RALYL: variants seen among roughly 807,000 people sequenced by gnomAD.
The protein encoded by RALYL is RNA-binding Raly-like protein.
Under a neutral mutation model 35.1 loss-of-function variants are expected in RALYL, and 29 were observed. The observed-to-expected ratio is 0.83, with a 90% CI of 0.61 to 1.13. The LOEUF (loss-of-function observed/expected upper bound fraction) is 1.13, where lower values mean the gene tolerates loss of function less well. RALYL is among the 50% of genes most tolerant of loss of function. The pLI, the probability that RALYL is intolerant of heterozygous loss-of-function variation, is 0.00. For missense variants in RALYL, 359 were observed against 360.4 expected, an observed-to-expected ratio of 1.00 and a Z score of 0.03; for synonymous variants, 120 against 127.6, an observed-to-expected ratio of 0.94 and a Z score of 0.40.
chr8:84,321,614 C>A (rs1398825878), intron 1 of RALYL, among the ~76,000 whole-genome samples: 2 of 152,032 alleles, frequency 1.3e-5, no homozygotes, highest in Non-Finnish European at 2.9e-5. Context: ...CCACGACAGC[C>A]CACTCTATCT....
At chr8:84,904,837 C>T (rs1342327024) in intron 8 of RALYL, among the ~76,000 whole-genome samples, 1 of 151,890 alleles carries the variant, frequency 6.6e-6, no homozygotes, top group Non-Finnish European at 1.5e-5. Context: ...TTCTATGTTG[C>T]CTCTGTTCAC....
At chr8:84,212,354 A>G (rs1178008943) in intron 1 of RALYL, among the ~76,000 whole-genome samples, 1 of 152,008 alleles carries the variant, frequency 6.6e-6, no homozygotes, top group African/African-American at 2.4e-5. Context: ...CTACGTTTGT[A>G]TTTTCAAAAT....
chr8:84,848,935 A>G (rs758312315), intron 4 of RALYL, among the ~76,000 whole-genome samples: 3 of 152,194 alleles, frequency 2.0e-5, no homozygotes, highest in Non-Finnish European at 4.4e-5. Context: ...GATGTTGTCA[A>G]AATGACCCCA....
intron 2 of RALYL, among the ~76,000 whole-genome samples, chr8:84,632,806 C>A (rs1464883812): frequency 6.6e-6 from 1 of 151,846 alleles, no homozygotes; most frequent in East Asian, 1.9e-4. Flanking sequence ...GAGCTTTTCC[C>A]AGAGGAATAT....
intron 4 of RALYL, among the ~76,000 whole-genome samples, chr8:84,847,640 TAAACTAAAGCA>T (rs966889125): frequency 2.6e-5 from 4 of 152,148 alleles, no homozygotes; most frequent in African/African-American, 9.7e-5. Context: ...ACTATTAGAA[TAAACTAAAGCA>T]AAAACCATTA....
chr8:84,393,013 T>G (rs1861047020), intron 1 of RALYL, among the ~76,000 whole-genome samples: 1 of 152,074 alleles, frequency 6.6e-6, no homozygotes, highest in Non-Finnish European at 1.5e-5. Flanking sequence ...AATAAAACAG[T>G]CTTTGCCTAA....
intron 3 of RALYL, among the ~76,000 whole-genome samples, chr8:84,796,496 T>C (rs754623573): frequency 1.2e-4 from 19 of 152,200 alleles, no homozygotes; most frequent in Non-Finnish European, 2.1e-4. Context: ...TTAAGAATAC[T>C]GATAGGATTA....
intron 2 of RALYL, among the ~76,000 whole-genome samples, chr8:84,638,871 A>AATATATATATATATAT (rs71273908): frequency 1.2e-5 from 1 of 86,256 alleles, no homozygotes; most frequent in Non-Finnish European, 2.0e-5. Context: ...TGCACGCATA[A>AATATATATATATATAT]ATATATATAT....
intron 1 of RALYL, among the ~76,000 whole-genome samples, chr8:84,330,804 A>G (rs1041821016): frequency 1.3e-5 from 2 of 152,096 alleles, no homozygotes; most frequent in Non-Finnish European, 2.9e-5. Flanking sequence ...TTAAATCAAT[A>G]CAGTGGGTAA....
At chr8:84,818,881 T>G (rs974343192) in intron 4 of RALYL, among the ~76,000 whole-genome samples, 5 of 152,174 alleles carry the variant, frequency 3.3e-5, no homozygotes, top group Admixed American at 1.3e-4. Context: ...GTCTTAAAGT[T>G]TTCTCAGTTA....
chr8:84,705,904 G>T (rs1841121235), intron 2 of RALYL: 1 of 1,481,804 alleles, frequency 6.7e-7, no homozygotes, highest in Admixed American at 2.3e-5. Context: ...CTTTCACTGT[G>T]TGATTGCTGG....
chr8:84,630,700 G>C (rs1438704312), intron 2 of RALYL, among the ~76,000 whole-genome samples: 1 of 152,016 alleles, frequency 6.6e-6, no homozygotes, highest in East Asian at 1.9e-4. Context: ...ACTAAAAACT[G>C]TTAAATGACA....
intron 4 of RALYL, among the ~76,000 whole-genome samples, chr8:84,840,007 A>G (rs1453286534): frequency 6.6e-6 from 1 of 152,154 alleles, no homozygotes. Flanking sequence ...ATAAAACCAC[A>G]AAGATGGGGA....
chr8:84,319,053 G>A (rs936102912), intron 1 of RALYL, among the ~76,000 whole-genome samples: 73 of 152,134 alleles, frequency 4.8e-4, no homozygotes, highest in African/African-American at 1.6e-3. Context: ...GATACTCAAC[G>A]AAGAGCTATT....
intron 2 of RALYL, among the ~76,000 whole-genome samples, chr8:84,594,556 T>A (rs903098617): frequency 6.6e-6 from 1 of 151,958 alleles, no homozygotes; most frequent in Non-Finnish European, 1.5e-5. Context: ...AGCTAAAGCA[T>A]TTTACTTTGC....
chr8:84,342,277 A>AATATAT lies in RALYL; in HGVS notation c.-24+157867_-24+157872dup, dbSNP rs57901276. Among the ~76,000 whole-genome samples, 395 of 66,126 alleles carry AATATAT rather than the reference A, an allele frequency of 6.0e-3. 97 individuals are homozygous for AATATAT. The highest frequency in any genetic ancestry group is 0.025 in the African/African-American group (329 of 13,340). 43.4% of individuals were successfully genotyped at this position (66,126 alleles called of 152,430 possible). A position where few individuals can be genotyped will look rare whatever the true frequency, so the allele number is the denominator to read the frequency against. The stretch of plus-strand genomic sequence containing the variant: ...TGAGTGAGGGTACAGAGCATCGTTC[A>AATATAT]ATATATATATATATATATAAAACTC... On this transcript the variant is annotated intron_variant, in intron 1 of 8. Coordinates refer to ENST00000521268, the MANE Select transcript of RALYL (RefSeq NM_173848.7).
chr8:84,778,060 T>C (rs190912610), intron 3 of RALYL, among the ~76,000 whole-genome samples: 2 of 152,318 alleles, frequency 1.3e-5, no homozygotes, highest in Admixed American at 1.3e-4. Context: ...GGGACTGTAA[T>C]AGTGCTTTTC....
intron 2 of RALYL, among the ~76,000 whole-genome samples, chr8:84,558,841 T>G (rs1426378466): frequency 6.6e-6 from 1 of 152,150 alleles, no homozygotes; most frequent in Non-Finnish European, 1.5e-5. Flanking sequence ...GCACCATGGT[T>G]TGAGTTCAGG....
At chr8:84,852,378 A>G (rs1836042158) in intron 5 of RALYL, among the ~76,000 whole-genome samples, 1 of 152,164 alleles carries the variant, frequency 6.6e-6, no homozygotes, top group Non-Finnish European at 1.5e-5. Flanking sequence ...ACTTATTCTA[A>G]AAGTGATGCA....
Sources: gnomAD v4.1 joint callset for allele counts (sites outside exome capture counted in the v4.1 genomes callset) on GRCh38, gnomAD v4.1.1 for gene constraint, MANE v1.5 for transcripts, NCBI Gene and HGNC (gene_info 2026-07-23, HGNC 2026-07-21) for gene names.